Variants in CDH11 observed in about 807,000 individuals in gnomAD.
CDH11 encodes the protein cadherin 11.
A neutral mutation model predicts 67.8 loss-of-function variants in CDH11; 11 were observed. The observed-to-expected ratio is 0.16, with a 90% confidence interval of 0.10 to 0.27. The LOEUF is 0.27. CDH11 is among the 10% of genes least tolerant of loss of function. The pLI, the probability that CDH11 is intolerant of heterozygous loss-of-function variation, is 1.00. For synonymous variants in CDH11, 419 were observed against 400.0 expected, an observed-to-expected ratio of 1.05 and a Z score of -0.57; for missense variants, 847 against 1,031.2, an observed-to-expected ratio of 0.82 and a Z score of 2.45.
chr16:65,108,661 G>C (rs2075106077), intron 1 of CDH11, among the ~76,000 whole-genome samples: 1 of 148,442 alleles, frequency 6.7e-6, no homozygotes, highest in Non-Finnish European at 1.5e-5. Flanking sequence ...ATGTAGTTTT[G>C]CTGCTGCTAT....
At chr16:65,030,523 C>A (rs752136440) in intron 2 of CDH11, among the ~76,000 whole-genome samples, 7 of 152,098 alleles carry the variant, frequency 4.6e-5, no homozygotes, top group African/African-American at 1.7e-4. Flanking sequence ...ACAAAAGCAA[C>A]GTTGTTGGGC....
intron 1 of CDH11, among the ~76,000 whole-genome samples, chr16:65,078,101 C>T (rs999204001): frequency 6.6e-6 from 1 of 152,176 alleles, no homozygotes; most frequent in Non-Finnish European, 1.5e-5. Context: ...AGCAAATAAT[C>T]GCATCCTCTG....
intron 2 of CDH11, among the ~76,000 whole-genome samples, chr16:65,044,178 A>C (rs2073914840): frequency 6.6e-6 from 1 of 152,124 alleles, no homozygotes; most frequent in African/African-American, 2.4e-5. Flanking sequence ...TGTTCACCAC[A>C]CATGAGTATG....
At chr16:65,074,293 A>G (rs946425353) in intron 1 of CDH11, among the ~76,000 whole-genome samples, 12 of 152,170 alleles carry the variant, frequency 7.9e-5, no homozygotes, top group Non-Finnish European at 1.2e-4. Context: ...ATATACCCAA[A>G]TTAACTGTCT....
intron 2 of CDH11, among the ~76,000 whole-genome samples, chr16:65,040,341 G>A (rs564669874): frequency 1.3e-5 from 2 of 152,290 alleles, no homozygotes; most frequent in East Asian, 3.9e-4. Flanking sequence ...TTAAGAAAAT[G>A]TGACACATAT....
chr16:64,988,187 T>C lies in CDH11; in HGVS notation c.969A>G (p.Glu323=), dbSNP rs2072533570. The C allele has an allele frequency of 6.2e-7, 1 of 1,612,156 alleles. No homozygotes were observed. The highest frequency in any genetic ancestry group is 8.5e-7 in the Non-Finnish European group (1 of 1,179,096). ...MESFEITTDY[E]TQEGVIKLKK... is the part of the protein sequence containing the mutation. ...TCAGCTTTATCACCCCCTCCTGTGTTTCATAGTCCGTTGTGATTTCAAACG... is the reference window on the plus strand; with the variant it reads ...TCAGCTTTATCACCCCCTCCTGTGTCTCATAGTCCGTTGTGATTTCAAACG... The change falls in exon 7 of 13, where the codon GAA becomes GAG. Residue 323 remains glutamate (E), a synonymous_variant. Transcript: ENST00000268603.
chr16:65,087,621 T>G (rs942008390), intron 1 of CDH11, among the ~76,000 whole-genome samples: 2 of 152,198 alleles, frequency 1.3e-5, no homozygotes, highest in African/African-American at 2.4e-5. Flanking sequence ...GTAAATTGTT[T>G]GCAACACAAG....
intron 2 of CDH11, among the ~76,000 whole-genome samples, chr16:65,040,210 T>C (rs920947937): frequency 6.6e-6 from 1 of 152,210 alleles, no homozygotes; most frequent in African/African-American, 2.4e-5. Flanking sequence ...ACTGGGTATA[T>C]ACCCAAAGGA....
chr16:65,008,924 T>G (rs1166598773), intron 2 of CDH11, among the ~76,000 whole-genome samples: 2 of 152,146 alleles, frequency 1.3e-5, no homozygotes, highest in Admixed American at 1.3e-4. Flanking sequence ...TTGGACATGT[T>G]TTCCATGAGT....
intron 1 of CDH11, among the ~76,000 whole-genome samples, chr16:65,098,272 A>G (rs566744238): frequency 6.6e-6 from 1 of 152,296 alleles, no homozygotes; most frequent in East Asian, 1.9e-4. Flanking sequence ...TTCCTTGGAT[A>G]CTAAGGGATG....
rs373941516 is a variant in CDH11, at chr16:65,004,821, G to A, written c.49C>T (p.Leu17=). ...LQAALVCLGM[L]CHSHAFAPER... is the part of the protein sequence containing the mutation. ...GGGGCAAAGGCATGGCTGTGGCACA[G>A]CATGCCCAGGCACACCAGGGCGGCT... Residue 17 remains leucine, a synonymous_variant, in exon 3 of 13, where the codon CTG becomes TTG. Transcript: ENST00000268603. 8.2e-5 allele frequency: 130 copies of A among 1,583,294 alleles called. No homozygotes were observed. The African/African-American group carries it at 1.6e-3, about 20-fold the overall frequency.
chr16:64,978,017 G>A (rs891387020), intron 8 of CDH11, among the ~76,000 whole-genome samples: 55 of 152,106 alleles, frequency 3.6e-4, no homozygotes, highest in East Asian at 1.2e-3. Context: ...TCCATTGTCC[G>A]TGTAATTTCC....
chr16:65,102,390 C>T (rs2075005273), intron 1 of CDH11, among the ~76,000 whole-genome samples: 1 of 152,176 alleles, frequency 6.6e-6, no homozygotes, highest in Non-Finnish European at 1.5e-5. Flanking sequence ...ACCATATACC[C>T]ACTCTCCTAA....
chr16:65,035,025 T>G (rs2073724091), intron 2 of CDH11, among the ~76,000 whole-genome samples: 1 of 152,118 alleles, frequency 6.6e-6, no homozygotes, highest in Non-Finnish European at 1.5e-5. Context: ...CCGAGAGGCC[T>G]GAAGGTCAGC....
Position 64,973,053 on chromosome 16 carries a change from C to T in CDH11, c.1254-13G>A, listed in dbSNP as rs373136657. 9.3e-6 allele frequency: 15 copies of T among 1,611,734 alleles called. No homozygotes were observed. The highest frequency in any genetic ancestry group is 5.5e-5 in the South Asian group (5 of 90,964). On this transcript the variant is annotated splice_polypyrimidine_tract_variant and intron_variant, in intron 8 of 12. Transcript: ENST00000268603. ...ATCGATGGAATACCTAAGCAGAATG[C>T]AAATGAGGCAATTAGACCAAGACAT...
chr16:65,067,194 AG>A (rs1360892948), intron 1 of CDH11, among the ~76,000 whole-genome samples: 2 of 134,194 alleles, frequency 1.5e-5, no homozygotes, highest in Non-Finnish European at 3.5e-5. Flanking sequence ...AAGAGTCAAC[AG>A]GAAAAAAAAA....
At chr16:64,948,561 G>A in intron 12 of CDH11, 1 of 1,453,826 alleles carries the variant, frequency 6.9e-7, no homozygotes, top group South Asian at 1.1e-5. Flanking sequence ...TTCTGCCAAT[G>A]TCTGAGAAAG....
chr16:65,029,521 C>G (rs1254171881), intron 2 of CDH11, among the ~76,000 whole-genome samples: 3 of 152,018 alleles, frequency 2.0e-5, no homozygotes, highest in African/African-American at 7.2e-5. Context: ...GTGATGTTTT[C>G]CCCCCAGTGA....
chr16:65,112,402 A>G (rs2075176169), intron 1 of CDH11, among the ~76,000 whole-genome samples: 1 of 152,154 alleles, frequency 6.6e-6, no homozygotes, highest in Non-Finnish European at 1.5e-5. Context: ...CCAAACCACC[A>G]TTGATCACTA....
Sources: allele counts gnomAD v4.1 joint callset (sites outside exome capture counted in the v4.1 genomes callset), GRCh38; gene constraint gnomAD v4.1.1; transcripts MANE v1.5; gene names NCBI Gene and HGNC (gene_info 2026-07-23, HGNC 2026-07-21).